The following GREM2 variants were observed in gnomAD, a reference collection of about 807,000 sequenced individuals.
GREM2 encodes gremlin-2.
GREM2 carries 11 observed loss-of-function variants against 14.2 expected under a neutral mutation model. The ratio of observed to expected loss-of-function variants is 0.78; its 90% CI spans 0.49 to 1.28. The LOEUF (loss-of-function observed/expected upper bound fraction) is 1.28. Ranked by LOEUF, GREM2 falls within the 50% of genes most tolerant of loss-of-function variation. The pLI is 0.00. For synonymous variants in GREM2, 98 were observed against 97.6 expected, an observed-to-expected ratio of 1.00 and a Z score of -0.02; for missense variants, 210 against 218.5, an observed-to-expected ratio of 0.96 and a Z score of 0.24.
At chr1:240,532,634 GAT>G (rs35703380) in intron 1 of GREM2, among the ~76,000 whole-genome samples, 1 of 148,054 alleles carries the variant, frequency 6.8e-6, no homozygotes, top group Non-Finnish European at 1.5e-5. Flanking sequence ...TTATATAAGA[GAT>G]ATATATAGAT....
At chr1:240,551,596 C>A (rs72752857) in intron 1 of GREM2, among the ~76,000 whole-genome samples, 43,966 of 151,462 alleles carry the variant, frequency 0.29, 6,479 homozygotes, top group East Asian at 0.39. Flanking sequence ...TCCCAAAGTG[C>A]CGAGACTTCA....
chr1:240,498,683 T>A (rs1482596014), intron 1 of GREM2, among the ~76,000 whole-genome samples: 8 of 152,234 alleles, frequency 5.3e-5, no homozygotes, highest in Non-Finnish European at 1.2e-4. Context: ...AGTCCCACTC[T>A]GTCCTGAACC....
chr1:240,562,985 AGTGT>A (rs566267091), intron 1 of GREM2, among the ~76,000 whole-genome samples: 5 of 110,942 alleles, frequency 4.5e-5, no homozygotes, highest in African/African-American at 1.6e-4. Context: ...TGTATATGTA[AGTGT>A]GTATGTGTGT....
intron 1 of GREM2, among the ~76,000 whole-genome samples, chr1:240,573,782 G>T (rs1193919450): frequency 6.6e-6 from 1 of 152,168 alleles, no homozygotes. Flanking sequence ...GAAAGAAGTT[G>T]CTTTGTTCCT....
Position 240,509,472 on chromosome 1 carries a change from G to A in GREM2, c.-1-15996C>T, listed in dbSNP as rs538744824. 6.7e-5 allele frequency among the ~76,000 whole-genome samples: 10 copies of A among 150,364 alleles called. No individual in the cohort carries two copies. The South Asian group carries it at 1.7e-3, about 25-fold the overall frequency. Reference sequence around the variant, plus strand: ...CAACCTCTGCCTCCTGGGTTCAAGCGATTCTCCTGCCTCAGCCTCCCGAGT... The same window carrying A: ...CAACCTCTGCCTCCTGGGTTCAAGCAATTCTCCTGCCTCAGCCTCCCGAGT... On this transcript the variant is annotated intron_variant, in intron 1 of 1. Coordinates refer to ENST00000318160, the MANE Select transcript of GREM2 (RefSeq NM_022469.4).
At chr1:240,528,152 A>G (rs1242469000) in intron 1 of GREM2, among the ~76,000 whole-genome samples, 1 of 152,206 alleles carries the variant, frequency 6.6e-6, no homozygotes, top group Non-Finnish European at 1.5e-5. Context: ...TTCCTCTGTT[A>G]TATTTGAAAA....
intron 1 of GREM2, among the ~76,000 whole-genome samples, chr1:240,547,722 T>C (rs966535716): frequency 1.3e-5 from 2 of 151,280 alleles, no homozygotes; most frequent in South Asian, 4.2e-4. Context: ...CATGAAGAGG[T>C]GTCTTAAGAA....
chr1:240,549,346 A>T (rs1572394149), intron 1 of GREM2, among the ~76,000 whole-genome samples: 1 of 151,906 alleles, frequency 6.6e-6, no homozygotes, highest in African/African-American at 2.4e-5. Context: ...CAAAAAAAAA[A>T]AAAAGAAAAG....
chr1:240,556,353 C>T (rs1012729204), intron 1 of GREM2, among the ~76,000 whole-genome samples: 7 of 152,220 alleles, frequency 4.6e-5, no homozygotes, highest in Non-Finnish European at 1.0e-4. Flanking sequence ...CCTAATGATA[C>T]TGGCTTTGGA....
At chr1:240,548,149 C>T (rs937496193) in intron 1 of GREM2, among the ~76,000 whole-genome samples, 8 of 151,222 alleles carry the variant, frequency 5.3e-5, no homozygotes, top group East Asian at 3.9e-4. Context: ...GTGGTATGTG[C>T]CTGTAATCCC....
chr1:240,565,441 G>A (rs1043079098), intron 1 of GREM2, among the ~76,000 whole-genome samples: 6 of 152,108 alleles, frequency 3.9e-5, no homozygotes, highest in South Asian at 2.1e-4. Flanking sequence ...AAATGGTTTT[G>A]TAGGCTATGT....
chr1:240,530,038 C>T (rs185915947), intron 1 of GREM2, among the ~76,000 whole-genome samples: 101 of 152,234 alleles, frequency 6.6e-4, no homozygotes, highest in African/African-American at 2.3e-3. Context: ...CTCAGATACT[C>T]ATTGACCATT....
intron 1 of GREM2, among the ~76,000 whole-genome samples, chr1:240,566,042 G>C (rs1679173678): frequency 1.3e-5 from 2 of 151,988 alleles, no homozygotes; most frequent in African/African-American, 4.8e-5. Flanking sequence ...TTTAACCTCT[G>C]AGCTTTTGTG....
At chr1:240,561,859 C>A (rs1366851025) in intron 1 of GREM2, among the ~76,000 whole-genome samples, 2 of 152,080 alleles carry the variant, frequency 1.3e-5, no homozygotes, top group Non-Finnish European at 2.9e-5. Context: ...GAAAAAGTAA[C>A]TGATACTTAG....
At chr1:240,511,701 C>A (rs528198268) in intron 1 of GREM2, among the ~76,000 whole-genome samples, 1 of 151,996 alleles carries the variant, frequency 6.6e-6, no homozygotes, top group Non-Finnish European at 1.5e-5. Flanking sequence ...TGCGGTAAGC[C>A]GAGATTGTGA....
At chr1:240,537,615 T>C (rs1218600344) in intron 1 of GREM2, among the ~76,000 whole-genome samples, 2 of 152,138 alleles carry the variant, frequency 1.3e-5, no homozygotes. Context: ...TGAAACCCCA[T>C]GTCTACTAAA....
intron 1 of GREM2, among the ~76,000 whole-genome samples, chr1:240,501,814 T>C (rs1677575064): frequency 6.6e-6 from 1 of 152,138 alleles, no homozygotes; most frequent in African/African-American, 2.4e-5. Flanking sequence ...ACCTTGTTGC[T>C]GTCAGAAGAA....
chr1:240,532,680 GATAGATAT>G (rs71978900), intron 1 of GREM2, among the ~76,000 whole-genome samples: 18,138 of 136,182 alleles, frequency 0.13, 1,243 homozygotes, highest in Non-Finnish European at 0.17. Context: ...TAGATAGATA[GATAGATAT>G]ATGGCAAGAA....
At chr1:240,602,330 G>A (rs1372677891) in intron 1 of GREM2, among the ~76,000 whole-genome samples, 5 of 152,136 alleles carry the variant, frequency 3.3e-5, no homozygotes, top group Admixed American at 6.6e-5. Context: ...CTTCAGCTGA[G>A]TAAAGTCAGA....
Sources: allele counts gnomAD v4.1 joint callset (sites outside exome capture counted in the v4.1 genomes callset), GRCh38; gene constraint gnomAD v4.1.1; transcripts MANE v1.5; gene names NCBI Gene and HGNC (gene_info 2026-07-23, HGNC 2026-07-21).